The following SORBS2 variants were observed in gnomAD, a reference collection of about 807,000 sequenced individuals.
The protein encoded by SORBS2 is sorbin and SH3 domain-containing protein 2.
SORBS2 carries 46 observed loss-of-function variants against 97.7 expected under a neutral mutation model. The ratio of observed to expected loss-of-function variants is 0.47; its 90% confidence interval spans 0.37 to 0.60. SORBS2 has a LOEUF of 0.60. SORBS2 is among the 20% of genes least tolerant of loss of function. The pLI, the probability that SORBS2 is intolerant of heterozygous loss-of-function variation, is 0.00. For missense variants in SORBS2, 1,316 were observed against 1,282.3 expected (o/e 1.03, Z -0.40); for synonymous variants, 476 against 473.4 (o/e 1.01, Z -0.07).
At chr4:185,680,925 G>T (rs1351851315) in intron 2 of SORBS2, among the ~76,000 whole-genome samples, 1 of 152,130 alleles carries the variant, frequency 6.6e-6, no homozygotes, top group East Asian at 1.9e-4. Flanking sequence ...TCAACTGTGG[G>T]TTTCTTCCTG....
At chr4:185,624,942 G>A (rs935155624) in intron 6 of SORBS2, among the ~76,000 whole-genome samples, 2 of 152,170 alleles carry the variant, frequency 1.3e-5, no homozygotes, top group Admixed American at 6.5e-5. Context: ...CATTTGATTC[G>A]TAATGATACA....
chr4:185,605,137 C>A (rs778493438), intron 12 of SORBS2, among the ~76,000 whole-genome samples: 1 of 152,100 alleles, frequency 6.6e-6, no homozygotes, highest in Non-Finnish European at 1.5e-5. Flanking sequence ...CAGGCCTGGC[C>A]GGGTTATTTT....
At chr4:185,751,752 G>A (rs1310730747) in intron 2 of SORBS2, among the ~76,000 whole-genome samples, 1 of 152,190 alleles carries the variant, frequency 6.6e-6, no homozygotes, top group Non-Finnish European at 1.5e-5. Context: ...ACATTCCACA[G>A]GAGAAGCTTC....
intron 2 of SORBS2, among the ~76,000 whole-genome samples, chr4:185,731,764 C>T (rs1166290744): frequency 1.6e-5 from 2 of 125,804 alleles, no homozygotes; most frequent in African/African-American, 6.0e-5. Flanking sequence ...CTCTCCCTCC[C>T]TCCCCGCCTG....
intron 1 of SORBS2, among the ~76,000 whole-genome samples, chr4:185,861,639 C>G (rs1231607802): frequency 8.7e-6 from 1 of 114,862 alleles, no homozygotes; most frequent in Admixed American, 8.2e-5. Flanking sequence ...TGGAATCTCA[C>G]TCTGTTGCCA....
intron 1 of SORBS2, among the ~76,000 whole-genome samples, chr4:185,909,784 TCTG>T (rs113643412): frequency 0.074 from 11,218 of 152,028 alleles, 492 homozygotes; most frequent in Non-Finnish European, 0.091. Context: ...AGTTGATTTT[TCTG>T]CTGCATTTCT....
intron 1 of SORBS2, among the ~76,000 whole-genome samples, chr4:185,880,460 G>A (rs892828859): frequency 1.3e-5 from 2 of 152,118 alleles, no homozygotes; most frequent in African/African-American, 2.4e-5. Context: ...CTATCAAAAT[G>A]TAAAAGAAAT....
chr4:185,890,104 C>G (rs2099241701), intron 1 of SORBS2, among the ~76,000 whole-genome samples: 1 of 152,192 alleles, frequency 6.6e-6, no homozygotes. Context: ...CCAGGCTGGT[C>G]TTGAACTCCT....
upstream of SORBS2, among the ~76,000 whole-genome samples, chr4:185,660,442 A>T (rs910826709): frequency 6.6e-6 from 1 of 152,212 alleles, no homozygotes; most frequent in Admixed American, 6.5e-5. Flanking sequence ...GGCATAAACC[A>T]GTTTTACTTT....
intron 1 of SORBS2, among the ~76,000 whole-genome samples, chr4:185,920,478 C>A (rs1278035754): frequency 6.6e-6 from 1 of 152,178 alleles, no homozygotes; most frequent in Non-Finnish European, 1.5e-5. Flanking sequence ...GATCCTGCTT[C>A]ATCTTGCATC....
At chr4:185,657,801 T>C (rs2097433371), upstream of SORBS2, among the ~76,000 whole-genome samples, 1 of 152,174 alleles carries the variant, frequency 6.6e-6, no homozygotes, top group Non-Finnish European at 1.5e-5. Flanking sequence ...GGCCTCACCA[T>C]TTTATGAAGA....
At chr4:185,858,107 T>C (rs1048848474) in intron 1 of SORBS2, among the ~76,000 whole-genome samples, 15 of 152,208 alleles carry the variant, frequency 9.9e-5, no homozygotes, top group African/African-American at 3.6e-4. Flanking sequence ...CCTATCAATA[T>C]GCGATGGCAC....
At chr4:185,738,306 A>C (rs2153581627) in intron 2 of SORBS2, among the ~76,000 whole-genome samples, 1 of 152,332 alleles carries the variant, frequency 6.6e-6, no homozygotes, top group Non-Finnish European at 1.5e-5. Flanking sequence ...ATTTTTGTGC[A>C]GAACAGATGA....
intron 1 of SORBS2, among the ~76,000 whole-genome samples, chr4:185,924,704 C>T (rs534694218): frequency 5.3e-5 from 8 of 152,292 alleles, no homozygotes; most frequent in African/African-American, 1.2e-4. Context: ...TCCCCTGTGC[C>T]CTATGCAAAT....
intron 2 of SORBS2, among the ~76,000 whole-genome samples, chr4:185,696,038 G>C (rs371224745): frequency 6.6e-6 from 1 of 152,118 alleles, no homozygotes; most frequent in Non-Finnish European, 1.5e-5. Context: ...CGAATTACCC[G>C]CGGCATCTAT....
At chr4:185,646,992 C>A (rs1467253231) in intron 3 of SORBS2, among the ~76,000 whole-genome samples, 1 of 152,130 alleles carries the variant, frequency 6.6e-6, no homozygotes, top group Non-Finnish European at 1.5e-5. Context: ...GAGAGTGAGT[C>A]CCTGGGTTCC....
At chr4:185,943,200 G>T (rs904462328) in intron 1 of SORBS2, among the ~76,000 whole-genome samples, 23 of 152,284 alleles carry the variant, frequency 1.5e-4, no homozygotes, top group Middle Eastern at 6.8e-3. Flanking sequence ...TCCCTTGGGT[G>T]GCTTAAGGCC....
intron 2 of SORBS2, among the ~76,000 whole-genome samples, chr4:185,712,581 C>G (rs2098431988): frequency 6.6e-6 from 1 of 152,230 alleles, no homozygotes; most frequent in African/African-American, 2.4e-5. Context: ...AAGCTGTTAA[C>G]ACTTAAGCCG....
chr4:185,919,538 T>C (rs2099260003), intron 1 of SORBS2: 1 of 152,256 alleles, frequency 6.6e-6, no homozygotes, highest in Non-Finnish European at 1.5e-5. Flanking sequence ...AGTGAGGTGA[T>C]ATAAACTGCC....
Sources: gnomAD v4.1 joint callset for allele counts (sites outside exome capture counted in the v4.1 genomes callset) on GRCh38, gnomAD v4.1.1 for gene constraint, MANE v1.5 for transcripts, NCBI Gene and HGNC (gene_info 2026-07-23, HGNC 2026-07-21) for gene names.